Variants in PTPN3 observed in about 807,000 individuals in gnomAD.
PTPN3 encodes the protein tyrosine-protein phosphatase non-receptor type 3.
PTPN3 carries 96 observed loss-of-function variants against 132.7 expected under a neutral mutation model. The observed-to-expected ratio is 0.72, with a 90% CI of 0.61 to 0.86. The LOEUF is 0.86. PTPN3 is among the 40% of genes least tolerant of loss of function. The pLI, the probability that PTPN3 is intolerant of heterozygous loss-of-function variation, is 0.00. For missense variants in PTPN3, 1,125 were observed against 1,159.6 expected, an observed-to-expected ratio of 0.97 and a Z score of 0.43; for synonymous variants, 398 against 429.0, an observed-to-expected ratio of 0.93 and a Z score of 0.89.
intron 14 of PTPN3, among the ~76,000 whole-genome samples, chr9:109,419,781 G>A (rs1227348183): frequency 1.3e-5 from 2 of 151,916 alleles, no homozygotes; most frequent in Non-Finnish European, 2.9e-5. Flanking sequence ...ATATCCTATT[G>A]AATAACAAAA....
the PTPN3 span, among the ~76,000 whole-genome samples, chr9:109,513,558 G>A: frequency 2.0e-5 from 3 of 152,120 alleles, no homozygotes; most frequent in Non-Finnish European, 2.9e-5. Flanking sequence ...TCATCCCCAG[G>A]TCTCTAATCC....
chr9:109,382,295 G>A lies in PTPN3; in HGVS notation c.2528+7C>T, dbSNP rs185061402. ...TTCCAAACCTAACAAAACAGCAAGC[G>A]CCATACCTGCAGTGAACTAGGACGG... On this transcript the variant is annotated splice_region_variant and intron_variant, in intron 24 of 25. Coordinates refer to ENST00000374541, the MANE Select transcript of PTPN3 (RefSeq NM_002829.4). 1.9e-5 allele frequency: 30 copies of A among 1,613,330 alleles called. No homozygotes were observed. The East Asian group carries it at 3.3e-4, about 18-fold the overall frequency.
intron 1 of PTPN3, among the ~76,000 whole-genome samples, chr9:109,488,375 C>T (rs924116488): frequency 6.6e-6 from 1 of 152,190 alleles, no homozygotes; most frequent in Non-Finnish European, 1.5e-5. Context: ...GCTAGGATTA[C>T]AGGCATGAGC....
chr9:109,392,762 C>G (rs1383458985), intron 19 of PTPN3: 1 of 152,116 alleles, frequency 6.6e-6, no homozygotes, highest in African/African-American at 2.4e-5. Flanking sequence ...CATCACCATG[C>G]CTGGCTAATT....
chr9:109,507,690 A>T, the PTPN3 span, among the ~76,000 whole-genome samples: 2 of 152,244 alleles, frequency 1.3e-5, no homozygotes, highest in African/African-American at 4.8e-5. Context: ...GGGACAGCAG[A>T]GTTCCTAAGG....
chr9:109,506,659 G>A, the PTPN3 span, among the ~76,000 whole-genome samples: 14 of 149,352 alleles, frequency 9.4e-5, no homozygotes, highest in Middle Eastern at 6.8e-3. Context: ...CAGGAGTGCA[G>A]AGGTACATTC....
At position 109,445,299 on chromosome 9, in the gene PTPN3, G is replaced by C; in HGVS notation, c.414-7C>G. On this transcript the variant is annotated splice_region_variant and splice_polypyrimidine_tract_variant and intron_variant, in intron 6 of 25. Transcript: ENST00000374541. ...GTTAAGAGGGCAGGTTAACCTGTCA[G>C]GAGAAAAACATATTAGCAAAGTCAC... The C allele has an allele frequency of 6.2e-7, 1 of 1,611,996 alleles. No homozygotes were observed. The highest frequency in any genetic ancestry group is 1.7e-5 in the Admixed American group (1 of 60,008).
rs368814204 is a variant in PTPN3 at position 109,382,307 on chromosome 9, G to A, written c.2523C>T (p.His841=). The A allele has an allele frequency of 2.5e-6, 4 of 1,613,796 alleles. No homozygotes were observed. In the African/African-American group the frequency reaches 4.0e-5, roughly 16 times the overall value. ...CAAAACAGCAAGCGCCATACCTGCA[G>A]TGAACTAGGACGGGCTCGCTGTCCA... ...LRVDSEPVLV[H]CSAGIGRTGV... Residue 841 remains histidine (H), a synonymous_variant, in exon 24 of 26, where the codon CAC becomes CAT. Coordinates refer to ENST00000374541, the MANE Select transcript of PTPN3 (RefSeq NM_002829.4).
chr9:109,483,328 C>T (rs559441650), intron 1 of PTPN3, among the ~76,000 whole-genome samples: 1 of 152,360 alleles, frequency 6.6e-6, no homozygotes, highest in African/African-American at 2.4e-5. Flanking sequence ...CGGTGCTGGG[C>T]TCTCCTACTC....
chr9:109,404,250 T>C (rs892480707), intron 19 of PTPN3, among the ~76,000 whole-genome samples, 198 bp downstream of exon 19: 1 of 152,206 alleles, frequency 6.6e-6, no homozygotes, highest in African/African-American at 2.4e-5. Context: ...TGCTGTGCCC[T>C]GTTATCCACG....
At chr9:109,410,544 C>T in intron 14 of PTPN3, 129 bp from the exon 15 acceptor site, 1 of 1,057,566 alleles carries the variant, frequency 9.5e-7, no homozygotes, top group Non-Finnish European at 1.4e-6. Flanking sequence ...CATAGGTTGT[C>T]AGCGGGATTT....
chr9:109,499,780 G>T (rs1847831842), upstream of PTPN3, among the ~76,000 whole-genome samples: 1 of 152,184 alleles, frequency 6.6e-6, no homozygotes, highest in Non-Finnish European at 1.5e-5. Context: ...GCTGCAGCGG[G>T]TGCCGCCCGT....
chr9:109,393,382 GT>G (rs759351263), intron 19 of PTPN3, among the ~76,000 whole-genome samples: 1 of 132,062 alleles, frequency 7.6e-6, no homozygotes, highest in African/African-American at 2.8e-5. Context: ...GGTTTTTTTT[GT>G]CTTTTTTTTT....
rs147271547 is a variant in PTPN3, at chr9:109,476,613, G to C, written c.-17-13162C>G. On this transcript the variant is annotated intron_variant, in intron 1 of 25. Coordinates refer to ENST00000374541, the MANE Select transcript of PTPN3 (RefSeq NM_002829.4). ...CTTGGGAGTACTCTGGGACAGGAGG[G>C]GTCTTGCCAGGCCAGAGTCCACTGG... 6.6e-4 allele frequency among the ~76,000 whole-genome samples: 101 copies of C among 152,232 alleles called. No individual in the cohort carries two copies. In the East Asian group the frequency reaches 0.018, roughly 27 times the overall value.
chr9:109,432,438 T>C (rs1300730705), intron 10 of PTPN3, among the ~76,000 whole-genome samples: 2 of 152,214 alleles, frequency 1.3e-5, no homozygotes, highest in Non-Finnish European at 2.9e-5. Flanking sequence ...CAATGCGTGC[T>C]ACCCCCATTC....
rs1395662639 is a variant in PTPN3, at chr9:109,491,128, G to A, written c.-18+7091C>T. Among the ~76,000 whole-genome samples the A allele has an allele frequency of 2.6e-5, 4 of 151,428 alleles. No homozygotes were observed. The East Asian group carries it at 7.8e-4, about 29-fold the overall frequency. ...GGATAATTGCTTGAATCCAGGAGGC[G>A]GAGGTTGCAGTGAACTGAGATCACA... On this transcript the variant is annotated intron_variant, in intron 1 of 25. Coordinates refer to ENST00000374541, the MANE Select transcript of PTPN3 (RefSeq NM_002829.4).
At chr9:109,442,250 G>A (rs1844531160) in intron 7 of PTPN3, among the ~76,000 whole-genome samples, 1 of 152,114 alleles carries the variant, frequency 6.6e-6, no homozygotes, top group Non-Finnish European at 1.5e-5. Flanking sequence ...GTTTCACCAT[G>A]TTGCCCAGGC....
At chr9:109,429,022 C>A in intron 10 of PTPN3, 1 of 985,466 alleles carries the variant, frequency 1.0e-6, no homozygotes, top group Non-Finnish European at 1.2e-6. Context: ...CAGCTGAGAG[C>A]AGCATGGAGC....
chr9:109,487,502 C>T (rs1165894591), intron 1 of PTPN3, among the ~76,000 whole-genome samples: 2 of 152,228 alleles, frequency 1.3e-5, no homozygotes, highest in Non-Finnish European at 2.9e-5. Flanking sequence ...CTGATTCAGA[C>T]CAAGAGAATC....
Sources: allele counts gnomAD v4.1 joint callset (sites outside exome capture counted in the v4.1 genomes callset), GRCh38; gene constraint gnomAD v4.1.1; transcripts MANE v1.5; gene names NCBI Gene and HGNC (gene_info 2026-07-23, HGNC 2026-07-21).